The following SOCS5 variants were observed in gnomAD, a reference collection of about 807,000 sequenced individuals.
SOCS5 encodes CIS-6.
SOCS5 carries 32 observed loss-of-function variants against 42.8 expected under a neutral mutation model. The observed-to-expected ratio is 0.75, with a 90% CI of 0.56 to 1.01. The LOEUF is 1.01. Ranked by LOEUF, SOCS5 falls within the 50% of genes least tolerant of loss-of-function variation. The probability of loss-of-function intolerance (pLI) is 0.00; values close to 1 mark genes in which losing one functional copy is unlikely to be tolerated. For synonymous variants in SOCS5, 283 were observed against 229.6 expected, an observed-to-expected ratio of 1.23 and a Z score of -2.10; for missense variants, 627 against 653.0, an observed-to-expected ratio of 0.96 and a Z score of 0.43.
chr2:46,704,803 A>G (rs1164465935), intron 1 of SOCS5, among the ~76,000 whole-genome samples: 4 of 152,240 alleles, frequency 2.6e-5, no homozygotes, highest in African/African-American at 9.6e-5. Context: ...CCTTTCAAAC[A>G]CACCTGGGCA....
intron 1 of SOCS5, among the ~76,000 whole-genome samples, chr2:46,708,364 G>C (rs1672541931): frequency 6.6e-6 from 1 of 152,166 alleles, no homozygotes; most frequent in Non-Finnish European, 1.5e-5. Context: ...AGAGAATACT[G>C]AGTTTAATTT....
At chr2:46,733,373 G>T (rs1355568307) in intron 1 of SOCS5, among the ~76,000 whole-genome samples, 4 of 152,010 alleles carry the variant, frequency 2.6e-5, no homozygotes, top group South Asian at 2.1e-4. Context: ...GGTATTATAG[G>T]CGTGAGCCAC....
chr2:46,744,774 C>T (rs1673462465), intron 1 of SOCS5, among the ~76,000 whole-genome samples: 2 of 151,596 alleles, frequency 1.3e-5, no homozygotes, highest in Non-Finnish European at 2.9e-5. Flanking sequence ...GTGATCCGCC[C>T]ACCTCAGCCT....
At chr2:46,736,775 A>G (rs553070812) in intron 1 of SOCS5, among the ~76,000 whole-genome samples, 18 of 152,092 alleles carry the variant, frequency 1.2e-4, no homozygotes, top group African/African-American at 4.3e-4. Context: ...ACCCACAAAC[A>G]CAAGCCACAT....
At chr2:46,714,503 C>T (rs1672696881) in intron 1 of SOCS5, among the ~76,000 whole-genome samples, 1 of 152,108 alleles carries the variant, frequency 6.6e-6, no homozygotes, top group Non-Finnish European at 1.5e-5. Flanking sequence ...TTACTTTTAA[C>T]CTATTTATAT....
At chr2:46,733,581 G>GAAAAAAAAAAAA (rs78296105) in intron 1 of SOCS5, among the ~76,000 whole-genome samples, 4 of 92,014 alleles carry the variant, frequency 4.3e-5, no homozygotes, top group Non-Finnish European at 4.3e-5. Flanking sequence ...AAAAAAAAAA[G>GAAAAAAAAAAAA]AAAAAAAAAA....
In SOCS5 at chr2:46,761,760, CTA is replaced by C. The variant is rs1197054511; in HGVS notation, c.*1620_*1621del. 6.0e-6 allele frequency: 1 copy of C among 166,450 alleles called. No homozygotes were observed. Among genetic ancestry groups the C allele is most frequent in the African/African-American group, 2.4e-5 (1 of 41,420 alleles). 10.3% of individuals were successfully genotyped at this position (166,450 alleles called of 1,614,324 possible). A position where few individuals can be genotyped will look rare whatever the true frequency, so the allele number is the denominator to read the frequency against. ...ATTGACTTATCAGAATAAGCTAACT[CTA>C]AATTTAATGCTCTACATCTTATCAG... On this transcript the variant is annotated 3_prime_UTR_variant, in exon 2 of 2. Coordinates refer to ENST00000394861, the MANE Select transcript of SOCS5 (RefSeq NM_144949.3).
At chr2:46,716,822 T>C (rs1198167201) in intron 1 of SOCS5, among the ~76,000 whole-genome samples, 2 of 152,212 alleles carry the variant, frequency 1.3e-5, no homozygotes, top group Non-Finnish European at 2.9e-5. Context: ...TTCAGGGTTT[T>C]TTGTTTGGGG....
At chr2:46,721,561 G>C (rs1216367168) in intron 1 of SOCS5, among the ~76,000 whole-genome samples, 1 of 152,122 alleles carries the variant, frequency 6.6e-6, no homozygotes, top group Non-Finnish European at 1.5e-5. Context: ...TTTAAAAGGA[G>C]CCTAGTGCTT....
At chr2:46,741,306 C>G (rs1164573898) in intron 1 of SOCS5, among the ~76,000 whole-genome samples, 1 of 152,090 alleles carries the variant, frequency 6.6e-6, no homozygotes, top group Non-Finnish European at 1.5e-5. Context: ...GTGGTGCGAT[C>G]TCAGCTCGCT....
chr2:46,744,299 C>A (rs13399271), intron 1 of SOCS5, among the ~76,000 whole-genome samples: 8,552 of 152,060 alleles, frequency 0.056, 761 homozygotes, highest in African/African-American at 0.18. Flanking sequence ...CCTTTGATAC[C>A]ATTTTTATAG....
rs191098155 is a variant in SOCS5, at chr2:46,748,547, C to T, written c.-12-9972C>T. Among the ~76,000 whole-genome samples the T allele has an allele frequency of 2.6e-5, 4 of 152,076 alleles. No individual in the cohort carries two copies. In the East Asian group the frequency reaches 7.7e-4, roughly 29 times the overall value. On this transcript the variant is annotated intron_variant, in intron 1 of 1. Coordinates refer to ENST00000394861, the MANE Select transcript of SOCS5 (RefSeq NM_144949.3). ...GATCCAAAAAGGGGCACGCATTGTC[C>T]TGATCAGTTTCTTTCTTTGTTTCTT...
chr2:46,709,703 A>G (rs763020226), intron 1 of SOCS5, among the ~76,000 whole-genome samples: 2 of 152,204 alleles, frequency 1.3e-5, no homozygotes, highest in Admixed American at 6.5e-5. Flanking sequence ...AGATGATTCA[A>G]GACTAAAATT....
intron 1 of SOCS5, among the ~76,000 whole-genome samples, chr2:46,722,544 T>C (rs1359527581): frequency 6.6e-6 from 1 of 152,168 alleles, no homozygotes; most frequent in African/African-American, 2.4e-5. Context: ...TATTCCTTTG[T>C]ATAGCTGCAC....
At chr2:46,739,632 C>G (rs1356599846) in intron 1 of SOCS5, among the ~76,000 whole-genome samples, 2 of 152,256 alleles carry the variant, frequency 1.3e-5, no homozygotes, top group African/African-American at 4.8e-5. Flanking sequence ...CAGTCATACT[C>G]CATCTGTCCC....
chr2:46,733,628 T>C (rs1009802390), intron 1 of SOCS5, among the ~76,000 whole-genome samples: 4 of 119,872 alleles, frequency 3.3e-5, no homozygotes, highest in African/African-American at 1.2e-4. Flanking sequence ...GAATAAATAA[T>C]AAGCAAGTAA....
intron 1 of SOCS5, among the ~76,000 whole-genome samples, chr2:46,715,889 C>A (rs755811242): frequency 6.6e-6 from 1 of 152,016 alleles, no homozygotes; most frequent in African/African-American, 2.4e-5. Context: ...TCTCAGGTGT[C>A]TTTCTCCTAC....
Position 46,760,010 on chromosome 2 carries a change from A to G in SOCS5, c.1480A>G (p.Arg494Gly). 1 of 1,614,160 alleles carries G rather than the reference A, an allele frequency of 6.2e-7. No homozygotes were observed. Among genetic ancestry groups the G allele is most frequent in the Non-Finnish European group, 8.5e-7 (1 of 1,180,012 alleles). Residue 494 changes from arginine (R) to glycine (G), a missense_variant, in exon 2 of 2, where the codon AGG (arginine) becomes GGG (glycine). Physicochemically the swap from Arg to Gly is moderately radical, Grantham distance 125. Around this residue, in one of 3 missense-constraint regions of SOCS5, gnomAD observed 340 missense variants for 367.6 expected, o/e 0.92. Transcript: ENST00000394861. ...LQYICRAVIC[R>G]CTTYDGIDGL... ...GTATATCTGTCGCGCGGTAATCTGC[A>G]GGTGCACTACGTATGATGGAATTGA...
chr2:46,725,195 T>C (rs1463184432), intron 1 of SOCS5, among the ~76,000 whole-genome samples: 1 of 152,126 alleles, frequency 6.6e-6, no homozygotes, highest in Non-Finnish European at 1.5e-5. Flanking sequence ...TTTCTTCTTA[T>C]TAATAGTTCT....
Sources: gnomAD v4.1 joint callset for allele counts (sites outside exome capture counted in the v4.1 genomes callset) on GRCh38, gnomAD v4.1.1 for gene constraint, gnomAD v4.1.1 regional missense constraint, MANE v1.5 for transcripts, NCBI Gene and HGNC (gene_info 2026-07-23, HGNC 2026-07-21) for gene names.